Variants in TMED10 observed in about 807,000 individuals in gnomAD.
The protein encoded by TMED10 is transmembrane emp24 domain-containing protein 10.
A neutral mutation model predicts 23.1 loss-of-function variants in TMED10; 7 were observed. That is an observed-to-expected ratio of 0.30 (90% CI 0.17 to 0.57). TMED10 has a LOEUF of 0.57. Among genes scored for constraint, TMED10 ranks in the 20% least tolerant of loss-of-function variants. The probability of loss-of-function intolerance (pLI) is 0.91; values close to 1 mark genes in which losing one functional copy is unlikely to be tolerated. For synonymous variants in TMED10, 113 were observed against 106.9 expected (o/e 1.06, Z -0.35); for missense variants, 162 against 274.8 (o/e 0.59, Z 2.90).
At chr14:75,135,724 G>C in intron 4 of TMED10, 36 bp downstream of exon 4, 1 of 1,604,750 alleles carries the variant, frequency 6.2e-7, no homozygotes, top group Non-Finnish European at 8.5e-7. Flanking sequence ...CTCATTTATG[G>C]GTCACTTAAG....
chr14:75,156,397 G>T (rs1473882473), intron 1 of TMED10, among the ~76,000 whole-genome samples: 1 of 151,796 alleles, frequency 6.6e-6, no homozygotes, highest in Non-Finnish European at 1.5e-5. Context: ...GGATTTTAAG[G>T]AGGTAGAGTC....
chr14:75,133,290 T>G lies in TMED10; in HGVS notation c.*1595A>C, dbSNP rs1339210572. The G allele has an allele frequency of 6.6e-6, 1 of 152,062 alleles. No homozygotes were observed. The highest frequency in any genetic ancestry group is 1.5e-5 in the Non-Finnish European group (1 of 68,014). 9.4% of individuals were successfully genotyped at this position (152,062 alleles called of 1,614,324 possible). A position where few individuals can be genotyped will look rare whatever the true frequency, so the allele number is the denominator to read the frequency against. On this transcript the variant is annotated 3_prime_UTR_variant, in exon 5 of 5. Transcript: ENST00000303575. ...ATATAAAAAACCTCTCAAAACTCAA[T>G]AGTAAAAAGAACAAATGACCTAAAT...
chr14:75,163,370 C>T (rs1896108282), intron 1 of TMED10, among the ~76,000 whole-genome samples: 1 of 151,736 alleles, frequency 6.6e-6, no homozygotes, highest in African/African-American at 2.4e-5. Context: ...TTGCCTAACA[C>T]GGTGAAACCC....
intron 1 of TMED10, among the ~76,000 whole-genome samples, chr14:75,173,241 GC>G (rs1232839251): frequency 6.6e-6 from 1 of 152,146 alleles, no homozygotes. Context: ...ATGAAAACTA[GC>G]CGGATATGGT....
At chr14:75,154,963 C>CA (rs1330306458) in intron 1 of TMED10, among the ~76,000 whole-genome samples, 11 of 138,776 alleles carry the variant, frequency 7.9e-5, no homozygotes, top group African/African-American at 2.9e-4. Flanking sequence ...TCACCTGGCC[C>CA]TTTTTTTTTT....
At chr14:75,171,923 T>C (rs1414335063) in intron 1 of TMED10, among the ~76,000 whole-genome samples, 1 of 151,936 alleles carries the variant, frequency 6.6e-6, no homozygotes, top group East Asian at 1.9e-4. Flanking sequence ...CTGAATCTGG[T>C]TACATCTTTT....
At chr14:75,144,381 G>A (rs1895857806) in intron 3 of TMED10, among the ~76,000 whole-genome samples, 1 of 152,148 alleles carries the variant, frequency 6.6e-6, no homozygotes, top group South Asian at 2.1e-4. Context: ...AATCAAAAGT[G>A]CTTTATTTCC....
Position 75,132,827 on chromosome 14 carries a change from G to A in TMED10, c.*2058C>T, listed in dbSNP as rs925905863. On this transcript the variant is annotated 3_prime_UTR_variant, in exon 5 of 5. Transcript: ENST00000303575. Reference sequence around the variant, plus strand: ...TAAGATACATGTAATTCTTGCCACTGTGATTAAACAAGCCCTGTAATAGTC... The same window carrying A: ...TAAGATACATGTAATTCTTGCCACTATGATTAAACAAGCCCTGTAATAGTC... The A allele has an allele frequency of 6.6e-6, 1 of 152,534 alleles. No individual in the cohort carries two copies. The highest frequency in any genetic ancestry group is 2.4e-5 in the African/African-American group (1 of 41,436). 9.4% of individuals were successfully genotyped at this position (152,534 alleles called of 1,614,324 possible). A position where few individuals can be genotyped will look rare whatever the true frequency, so the allele number is the denominator to read the frequency against.
chr14:75,173,112 G>A (rs1303477053), intron 1 of TMED10, among the ~76,000 whole-genome samples: 2 of 152,230 alleles, frequency 1.3e-5, no homozygotes, highest in Non-Finnish European at 2.9e-5. Flanking sequence ...TGGGCTAGGT[G>A]CAATGGCTCA....
At chr14:75,164,839 G>C (rs953163751) in intron 1 of TMED10, among the ~76,000 whole-genome samples, 1 of 150,280 alleles carries the variant, frequency 6.7e-6, no homozygotes, top group African/African-American at 2.5e-5. Flanking sequence ...TGGAAACAGA[G>C]AGAAAGGGGT....
intron 2 of TMED10, chr14:75,148,046 C>A (rs1895910039): frequency 4.8e-6 from 2 of 415,656 alleles, no homozygotes; most frequent in Admixed American, 3.5e-5. Context: ...AGAAGGGAAA[C>A]CACACAGGCT....
intron 1 of TMED10, among the ~76,000 whole-genome samples, chr14:75,159,420 T>G (rs191288154): frequency 6.6e-6 from 1 of 152,314 alleles, no homozygotes. Context: ...TCATCACAGA[T>G]TTCATCATCT....
chr14:75,155,335 C>A (rs187350986), intron 1 of TMED10, among the ~76,000 whole-genome samples: 107 of 152,274 alleles, frequency 7.0e-4, no homozygotes, highest in Non-Finnish European at 1.4e-3. Context: ...TAGTTCCTGT[C>A]TTCAAAGGGC....
intron 1 of TMED10, among the ~76,000 whole-genome samples, chr14:75,167,952 T>C (rs191781527): frequency 1.3e-5 from 2 of 152,334 alleles, no homozygotes; most frequent in East Asian, 1.9e-4. Flanking sequence ...GCTTCAATTA[T>C]GTGCAGCAAA....
chr14:75,147,446 G>A, intron 3 of TMED10: 1 of 576,164 alleles, frequency 1.7e-6, no homozygotes, highest in East Asian at 2.9e-5. Flanking sequence ...CACCCGCCTT[G>A]GCCTCCCAAA....
intron 2 of TMED10, among the ~76,000 whole-genome samples, 167 bp downstream of exon 2, chr14:75,151,865 A>G (rs1895959566): frequency 6.6e-6 from 1 of 152,272 alleles, no homozygotes; most frequent in East Asian, 1.9e-4. Context: ...CTTTTATTCC[A>G]TGTAGTCGAC....
chr14:75,171,883 G>A (rs1896238148), intron 1 of TMED10, among the ~76,000 whole-genome samples: 1 of 151,702 alleles, frequency 6.6e-6, no homozygotes, highest in Non-Finnish European at 1.5e-5. Flanking sequence ...GTGTGTTCCT[G>A]CAGTGACACC....
intron 1 of TMED10, among the ~76,000 whole-genome samples, chr14:75,153,812 C>T (rs1895985855): frequency 6.9e-6 from 1 of 145,714 alleles, no homozygotes; most frequent in African/African-American, 2.5e-5. Flanking sequence ...ACTCTGTCCC[C>T]AGGCTGGAGT....
At position 75,152,104 on chromosome 14, in the gene TMED10, C is replaced by G. The variant is rs1193186919; in HGVS notation, c.265G>C (p.Asp89His). ...SAGHILYSKE[D>H]ATKGKFAFTT... Reference sequence around the variant, plus strand: ...AAGGCAAATTTCCCCTTGGTTGCATCCTCTTTGGAGTAGAGAATATGGCCA... The same window carrying G: ...AAGGCAAATTTCCCCTTGGTTGCATGCTCTTTGGAGTAGAGAATATGGCCA... The change falls in exon 2 of 5, where the codon GAT becomes CAT. Residue 89 changes from aspartate to histidine, a missense_variant. Asp to His is a moderately conservative substitution (Grantham distance 81, BLOSUM62 -1). Transcript: ENST00000303575. 3 of 1,613,900 alleles carry G rather than the reference C, an allele frequency of 1.9e-6. No individual in the cohort carries two copies. Among genetic ancestry groups the G allele is most frequent in the Non-Finnish European group, 2.5e-6 (3 of 1,179,944 alleles).
Sources: gnomAD v4.1 joint callset for allele counts (sites outside exome capture counted in the v4.1 genomes callset) on GRCh38, gnomAD v4.1.1 for gene constraint, MANE v1.5 for transcripts, NCBI Gene and HGNC (gene_info 2026-07-23, HGNC 2026-07-21) for gene names.